IGSF11: variants seen among roughly 807,000 people sequenced by gnomAD.
IGSF11 encodes CXADR like 1.
IGSF11 carries 22 observed loss-of-function variants against 41.0 expected under a neutral mutation model. The observed-to-expected ratio is 0.54, with a 90% CI of 0.38 to 0.77. The LOEUF (loss-of-function observed/expected upper bound fraction) is 0.77, where lower values mean the gene tolerates loss of function less well. Ranked by LOEUF, IGSF11 falls within the 30% of genes least tolerant of loss-of-function variation. The probability of loss-of-function intolerance (pLI) is 0.00; values close to 1 mark genes in which losing one functional copy is unlikely to be tolerated. For synonymous variants in IGSF11, 219 were observed against 201.3 expected, an observed-to-expected ratio of 1.09 and a Z score of -0.74; for missense variants, 444 against 530.8, an observed-to-expected ratio of 0.84 and a Z score of 1.61.
At chr3:119,049,027 C>T (rs1488512065) in intron 1 of IGSF11, among the ~76,000 whole-genome samples, 2 of 151,020 alleles carry the variant, frequency 1.3e-5, no homozygotes, top group Non-Finnish European at 3.0e-5. Context: ...TATGACAAAC[C>T]CACAGCCAAT....
intron 1 of IGSF11, among the ~76,000 whole-genome samples, chr3:119,111,166 G>A (rs560157607): frequency 6.6e-6 from 1 of 152,112 alleles, no homozygotes; most frequent in Non-Finnish European, 1.5e-5. Flanking sequence ...AGTTCTCCTG[G>A]ATAATATCCT....
upstream of IGSF11, among the ~76,000 whole-genome samples, chr3:119,109,851 A>G (rs2077113979): frequency 6.6e-6 from 1 of 152,170 alleles, no homozygotes; most frequent in East Asian, 1.9e-4. Flanking sequence ...TTATGTACCC[A>G]GTAGTCATTC....
chr3:119,091,604 C>A, intron 1 of IGSF11, among the ~76,000 whole-genome samples: 1 of 106,266 alleles, frequency 9.4e-6, no homozygotes, highest in Middle Eastern at 5.0e-3. Context: ...AATGGAGGAA[C>A]AGAAAAACTA....
At chr3:119,096,964 C>T (rs1254403177) in intron 1 of IGSF11, among the ~76,000 whole-genome samples, 1 of 152,130 alleles carries the variant, frequency 6.6e-6, no homozygotes, top group African/African-American at 2.4e-5. Flanking sequence ...CTTTCTCATA[C>T]TTTTGGTACC....
chr3:118,958,798 TATA>T (rs1189752018), intron 1 of IGSF11, among the ~76,000 whole-genome samples: 1 of 152,226 alleles, frequency 6.6e-6, no homozygotes, highest in African/African-American at 2.4e-5. Context: ...AACACATTAT[TATA>T]ATAACACGAT....
At chr3:119,075,261 T>A (rs2076473866) in intron 1 of IGSF11, among the ~76,000 whole-genome samples, 1 of 151,962 alleles carries the variant, frequency 6.6e-6, no homozygotes, top group South Asian at 2.1e-4. Flanking sequence ...ATATACAACT[T>A]CCCAGGATCA....
At chr3:119,073,815 C>T (rs2076445435) in intron 1 of IGSF11, among the ~76,000 whole-genome samples, 1 of 152,214 alleles carries the variant, frequency 6.6e-6, no homozygotes, top group African/African-American at 2.4e-5. Context: ...AGGGAGCTGG[C>T]TCCCGCCTCA....
intron 1 of IGSF11, among the ~76,000 whole-genome samples, chr3:118,951,552 A>T (rs751802489): frequency 2.0e-5 from 3 of 152,194 alleles, no homozygotes; most frequent in Non-Finnish European, 2.9e-5. Flanking sequence ...TATTTCTTTT[A>T]AAAATAATAA....
At chr3:118,953,927 T>C (rs1354541398) in intron 1 of IGSF11, among the ~76,000 whole-genome samples, 1 of 152,212 alleles carries the variant, frequency 6.6e-6, no homozygotes, top group Non-Finnish European at 1.5e-5. Flanking sequence ...CTATTTATCA[T>C]TGTTTTTGTT....
chr3:119,050,304 A>C (rs1941564015), intron 1 of IGSF11, among the ~76,000 whole-genome samples: 1 of 152,098 alleles, frequency 6.6e-6, no homozygotes, highest in African/African-American at 2.4e-5. Context: ...TACAAGAAAA[A>C]AACAAACAAC....
chr3:118,921,214 A>C (rs6793819), intron 4 of IGSF11, among the ~76,000 whole-genome samples: 149,720 of 152,302 alleles, frequency 0.98, 73,630 homozygotes, highest in East Asian at 1. Flanking sequence ...TCCATCTCCA[A>C]CCATTAGAAT....
In IGSF11 at chr3:118,926,128, G is replaced by C; in HGVS notation, c.553C>G (p.Leu185Val). The C allele has an allele frequency of 6.2e-7, 1 of 1,610,458 alleles. No individual in the cohort carries two copies. The highest frequency in any genetic ancestry group is 8.5e-7 in the Non-Finnish European group (1 of 1,177,726). The change falls in exon 4 of 7, where the codon CTC becomes GTC. Residue 185 changes from leucine (L) to valine (V), a missense_variant. Coordinates refer to ENST00000393775, the MANE Select transcript of IGSF11 (RefSeq NM_001015887.3). The part of the protein sequence containing the change: ...TYLWEKLDNT[L>V]KLPPTATQDQ... ...TGAGTAGCTGTTGGAGGTAGTTTGA[G>C]GGTATTGTCTAACTTCTCCCAAAGG...
chr3:119,077,401 A>G (rs1364935245), intron 1 of IGSF11, among the ~76,000 whole-genome samples: 1 of 152,222 alleles, frequency 6.6e-6, no homozygotes, highest in Admixed American at 6.5e-5. Context: ...CATGTACCCT[A>G]GAACTTAAAA....
chr3:119,076,654 C>T (rs1475784134), intron 1 of IGSF11, among the ~76,000 whole-genome samples: 1 of 152,032 alleles, frequency 6.6e-6, no homozygotes, highest in East Asian at 1.9e-4. Flanking sequence ...AACAGACATA[C>T]GAAAAAATGC....
At chr3:119,115,253 G>C (rs951257154) in intron 1 of IGSF11, among the ~76,000 whole-genome samples, 1 of 152,158 alleles carries the variant, frequency 6.6e-6, no homozygotes, top group Non-Finnish European at 1.5e-5. Context: ...CCTTGCTTTG[G>C]GGTATATACC....
rs142532252 is a variant in IGSF11, at chr3:119,061,853, G to T, written c.49+43291C>A. ...ATAATAGTATACTTCTTGTCCTAGA[G>T]ATTTGGGCATGTCTATAGTGTATAT... On this transcript the variant is annotated intron_variant, in intron 1 of 6. Transcript: ENST00000354673. Among the ~76,000 whole-genome samples the T allele has an allele frequency of 1.4e-3, 214 of 151,542 alleles. 2 individuals carry two copies. Among genetic ancestry groups the T allele is most frequent in the African/African-American group, 4.7e-3 (194 of 41,286 alleles).
intron 1 of IGSF11, among the ~76,000 whole-genome samples, chr3:118,938,804 G>A (rs1943469189): frequency 6.6e-6 from 1 of 152,170 alleles, no homozygotes; most frequent in South Asian, 2.1e-4. Flanking sequence ...AGTAGCATGT[G>A]AAGAAAGAAG....
At chr3:119,053,278 A>G (rs1941698485) in intron 1 of IGSF11, among the ~76,000 whole-genome samples, 1 of 152,192 alleles carries the variant, frequency 6.6e-6, no homozygotes, top group Admixed American at 6.5e-5. Context: ...GACTCTTCCA[A>G]AAAGCTCCTA....
intron 1 of IGSF11, among the ~76,000 whole-genome samples, chr3:119,046,259 G>C (rs550782308): frequency 3.2e-4 from 47 of 148,988 alleles, no homozygotes; most frequent in African/African-American, 1.0e-3. Flanking sequence ...AAATTTAGAA[G>C]AATGTATAAC....
Sources: gnomAD v4.1 joint callset for allele counts (sites outside exome capture counted in the v4.1 genomes callset) on GRCh38, gnomAD v4.1.1 for gene constraint, MANE v1.5 for transcripts, NCBI Gene and HGNC (gene_info 2026-07-23, HGNC 2026-07-21) for gene names.